RAI1: variants seen among roughly 807,000 people sequenced by gnomAD.
The protein encoded by RAI1 is retinoic acid-induced protein 1.
RAI1 carries 9 observed loss-of-function variants against 123.8 expected under a neutral mutation model. The observed-to-expected ratio is 0.07, with a 90% CI of 0.04 to 0.13. RAI1 has a LOEUF of 0.13. RAI1 is among the 10% of genes least tolerant of loss of function. RAI1 has a pLI of 1.00. For synonymous variants in RAI1, 1,231 were observed against 1,127.3 expected, an observed-to-expected ratio of 1.09 and a Z score of -1.84; for missense variants, 2,256 against 2,545.8, an observed-to-expected ratio of 0.89 and a Z score of 2.45.
chr17:17,783,454 T>G (rs1334169548), intron 2 of RAI1, among the ~76,000 whole-genome samples: 1 of 151,884 alleles, frequency 6.6e-6, no homozygotes, highest in Non-Finnish European at 1.5e-5. Flanking sequence ...AAATTTTACC[T>G]GCCCCTGAGG....
intron 1 of RAI1, among the ~76,000 whole-genome samples, chr17:17,687,767 C>T (rs148281434): frequency 1.3e-5 from 2 of 152,222 alleles, no homozygotes; most frequent in East Asian, 1.9e-4. Flanking sequence ...CCGTGGCTCA[C>T]GCTTGTAATC....
chr17:17,721,912 G>A (rs897801638), intron 1 of RAI1, among the ~76,000 whole-genome samples: 2 of 152,162 alleles, frequency 1.3e-5, no homozygotes, highest in East Asian at 1.9e-4. Context: ...AAAGGTGCCC[G>A]AGGCCCACCT....
intron 1 of RAI1, among the ~76,000 whole-genome samples, chr17:17,689,461 A>T (rs950307618): frequency 1.3e-5 from 2 of 152,212 alleles, no homozygotes; most frequent in Admixed American, 1.3e-4. Context: ...ACTTTGCCCC[A>T]GTGGTGTAGG....
chr17:17,700,900 C>T (rs868562881), intron 1 of RAI1, among the ~76,000 whole-genome samples: 50 of 152,242 alleles, frequency 3.3e-4, no homozygotes, highest in African/African-American at 1.2e-3. Context: ...TGCCACCCTG[C>T]TCTGCACGAA....
chr17:17,711,849 C>G (rs1027109588), intron 1 of RAI1, among the ~76,000 whole-genome samples: 1 of 152,232 alleles, frequency 6.6e-6, no homozygotes, highest in South Asian at 2.1e-4. Context: ...CTGGGGCCTC[C>G]GAGGAGGGAC....
rs1486656983 is a variant in RAI1, at chr17:17,723,308, C to T, written c.-148-720C>T. ...GCCACATCATTCAGTCAAACTGAGACCCAGAAACACATTCACTAGCTTGTA... is the reference window on the plus strand; with the variant it reads ...GCCACATCATTCAGTCAAACTGAGATCCAGAAACACATTCACTAGCTTGTA... On this transcript the variant is annotated intron_variant, in intron 1 of 5. Transcript: ENST00000353383. Among the ~76,000 whole-genome samples the T allele has an allele frequency of 2.0e-5, 3 of 150,026 alleles. No individual in the cohort carries two copies. The East Asian group carries it at 5.9e-4, about 30-fold the overall frequency.
intron 2 of RAI1, among the ~76,000 whole-genome samples, chr17:17,755,043 C>T (rs1317683205): frequency 6.6e-6 from 1 of 152,220 alleles, no homozygotes; most frequent in African/African-American, 2.4e-5. Flanking sequence ...GCTGTACCCC[C>T]ACAACATTCA....
chr17:17,770,377 G>C (rs1232477289), intron 2 of RAI1, among the ~76,000 whole-genome samples: 7 of 152,246 alleles, frequency 4.6e-5, no homozygotes, highest in African/African-American at 7.2e-5. Flanking sequence ...GGCATTAGCT[G>C]CAGGGAGACG....
intron 2 of RAI1, among the ~76,000 whole-genome samples, chr17:17,774,578 G>C (rs1309560564): frequency 1.3e-5 from 2 of 152,254 alleles, no homozygotes; most frequent in Non-Finnish European, 2.9e-5. Context: ...GCCCACCCGG[G>C]CAGTGACCAG....
chr17:17,718,908 C>T (rs1000316878), intron 1 of RAI1, among the ~76,000 whole-genome samples: 1 of 152,146 alleles, frequency 6.6e-6, no homozygotes, highest in African/African-American at 2.4e-5. Flanking sequence ...GGCAGGGTTC[C>T]TTCCTGAGGC....
chr17:17,703,430 A>C (rs1029678573), intron 1 of RAI1, among the ~76,000 whole-genome samples: 3 of 151,966 alleles, frequency 2.0e-5, no homozygotes, highest in Non-Finnish European at 4.4e-5. Flanking sequence ...TTTGGAAGGG[A>C]CTCTCTGAGG....
chr17:17,796,851 C>T lies in RAI1; in HGVS notation c.3903C>T (p.Cys1301=). The part of the protein sequence containing the change: ...KLPPPETPDA[C]LKLASRAAFQ... ...CACCCCCGGAGACCCCCGATGCCTGCCTCAAGCTCGCCTCTCGGGCAGCCT... is the reference window on the plus strand; with the variant it reads ...CACCCCCGGAGACCCCCGATGCCTGTCTCAAGCTCGCCTCTCGGGCAGCCT... Residue 1301 remains cysteine, a synonymous_variant, in exon 3 of 6, where the codon TGC becomes TGT. Transcript: ENST00000353383. This position sits in a 1 kb window ranked among gnomAD's most constrained non-coding sequence, Gnocchi z 5.8. 6.2e-7 allele frequency: 1 copy of T among 1,612,674 alleles called. No individual in the cohort carries two copies. Among genetic ancestry groups the T allele is most frequent in the Admixed American group, 1.7e-5 (1 of 60,016 alleles).
At chr17:17,770,332 C>G (rs1479485946) in intron 2 of RAI1, among the ~76,000 whole-genome samples, 1 of 152,120 alleles carries the variant, frequency 6.6e-6, no homozygotes, top group Non-Finnish European at 1.5e-5. Context: ...AACATAAAAC[C>G]AGAGAATTAT....
rs2032734803 is a variant in RAI1 at position 17,810,831 on chromosome 17, C to G, written c.*850C>G. 2.2e-6 allele frequency: 1 copy of G among 453,680 alleles called. No individual in the cohort carries two copies. The highest frequency in any genetic ancestry group is 2.0e-5 in the African/African-American group (1 of 50,010). The allele number at this position is 453,680 out of a possible 1,614,324, so 28.1% of individuals were successfully genotyped here. ...CCGGCGGACGCGCGACCGTTGTGCACCACCAGGGACCGCCGCGCCTACTCT... is the reference window on the plus strand; with the variant it reads ...CCGGCGGACGCGCGACCGTTGTGCAGCACCAGGGACCGCCGCGCCTACTCT... On this transcript the variant is annotated 3_prime_UTR_variant, in exon 6 of 6. Coordinates refer to ENST00000353383, the MANE Select transcript of RAI1 (RefSeq NM_030665.4). The surrounding 1 kb of genome is among the most constrained non-coding windows in gnomAD (Gnocchi z 4.6).
intron 2 of RAI1, among the ~76,000 whole-genome samples, chr17:17,768,502 G>A (rs1246189699): frequency 6.6e-6 from 1 of 152,182 alleles, no homozygotes; most frequent in African/African-American, 2.4e-5. Context: ...TGGTTCAGAG[G>A]AGAACAGTAC....
chr17:17,746,634 C>CTTTT (rs377692656), intron 2 of RAI1, among the ~76,000 whole-genome samples: 12 of 120,394 alleles, frequency 1.0e-4, no homozygotes, highest in Non-Finnish European at 1.7e-4. Context: ...CTTTTCTTTT[C>CTTTT]TTTTTTTTTT....
chr17:17,750,192 G>C lies in RAI1; in HGVS notation c.-17+26033G>C, dbSNP rs2030099602. Among the ~76,000 whole-genome samples the C allele has an allele frequency of 2.6e-5, 4 of 152,254 alleles. No homozygotes were observed. The South Asian group carries it at 8.3e-4, about 32-fold the overall frequency. On this transcript the variant is annotated intron_variant, in intron 2 of 5. Transcript: ENST00000353383. ...AAATGTAGTCCAGCTGTGGCTCCAAGGACGGAGAACAGGTTTTCGTGACTC... is the reference window on the plus strand; with the variant it reads ...AAATGTAGTCCAGCTGTGGCTCCAACGACGGAGAACAGGTTTTCGTGACTC...
At chr17:17,722,966 C>A (rs1404709894) in intron 1 of RAI1, among the ~76,000 whole-genome samples, 1 of 152,154 alleles carries the variant, frequency 6.6e-6, no homozygotes, top group African/African-American at 2.4e-5. Context: ...AACCCCCACC[C>A]GCCAGGCCTC....
intron 2 of RAI1, among the ~76,000 whole-genome samples, chr17:17,787,709 G>A (rs577440147): frequency 2.0e-4 from 30 of 152,336 alleles, no homozygotes; most frequent in Admixed American, 7.8e-4. Flanking sequence ...ACCAAGGATC[G>A]GTGGGGTGGG....
Sources: allele counts gnomAD v4.1 joint callset (sites outside exome capture counted in the v4.1 genomes callset), GRCh38; gene constraint gnomAD v4.1.1; non-coding constraint Gnocchi (gnomAD v3.1); transcripts MANE v1.5; gene names NCBI Gene and HGNC (gene_info 2026-07-23, HGNC 2026-07-21).